Variants in PRKCE observed in about 807,000 individuals in gnomAD.
PRKCE encodes protein kinase C epsilon type.
Under a neutral mutation model 85.4 loss-of-function variants are expected in PRKCE, and 16 were observed. That is an observed-to-expected ratio of 0.19 (90% CI 0.13 to 0.28). The LOEUF (loss-of-function observed/expected upper bound fraction) is 0.28. Among genes scored for constraint, PRKCE ranks in the 10% least tolerant of loss-of-function variants. The pLI is 1.00. For missense variants in PRKCE, 573 were observed against 975.2 expected, an observed-to-expected ratio of 0.59 and a Z score of 5.49; for synonymous variants, 388 against 371.5, an observed-to-expected ratio of 1.04 and a Z score of -0.51.
At chr2:45,976,263 G>C (rs759367041) in intron 2 of PRKCE, among the ~76,000 whole-genome samples, 166 bp from the exon 3 acceptor site, 2 of 152,284 alleles carry the variant, frequency 1.3e-5, no homozygotes, top group South Asian at 4.1e-4. Flanking sequence ...CACTCCAGCT[G>C]CTCAGTGGGA....
At chr2:46,158,829 C>T (rs527703945) in intron 13 of PRKCE, among the ~76,000 whole-genome samples, 5 of 152,194 alleles carry the variant, frequency 3.3e-5, no homozygotes, top group South Asian at 4.2e-4. Flanking sequence ...TATTGGTATA[C>T]GTATGCTCAA....
At chr2:46,183,140 C>T (rs1680160514) in intron 14 of PRKCE, among the ~76,000 whole-genome samples, 1 of 152,234 alleles carries the variant, frequency 6.6e-6, no homozygotes, top group Non-Finnish European at 1.5e-5. Flanking sequence ...ATTCTGCAGA[C>T]CCTGCTCTCA....
intron 10 of PRKCE, among the ~76,000 whole-genome samples, chr2:46,063,672 G>T (rs1267085005): frequency 6.6e-6 from 1 of 152,108 alleles, no homozygotes; most frequent in South Asian, 2.1e-4. Context: ...AGAGAATTCC[G>T]CAACTGTGAC....
At chr2:46,079,616 T>C (rs1464151643) in intron 10 of PRKCE, among the ~76,000 whole-genome samples, 1 of 152,242 alleles carries the variant, frequency 6.6e-6, no homozygotes, top group Non-Finnish European at 1.5e-5. Context: ...ATATCAAGTA[T>C]GGGCTGTTCC....
At chr2:45,708,132 A>T (rs1246583735) in intron 1 of PRKCE, among the ~76,000 whole-genome samples, 6 of 152,176 alleles carry the variant, frequency 3.9e-5, no homozygotes. Flanking sequence ...TACGCATCAT[A>T]GGTTGGACTC....
At chr2:45,744,415 TTCTTTCTTTC>T (rs1272366018) in intron 1 of PRKCE, among the ~76,000 whole-genome samples, 5 of 10,266 alleles carry the variant, frequency 4.9e-4, no homozygotes, top group Non-Finnish European at 1.2e-3. Flanking sequence ...TTCTTTTCTT[TTCTTTCTTTC>T]TTTCTTTCTT....
At chr2:46,144,963 C>T in intron 11 of PRKCE, 130 bp from the exon 12 acceptor site, 1 of 1,381,182 alleles carries the variant, frequency 7.2e-7, no homozygotes, top group East Asian at 2.3e-5. Context: ...AGATGGGTTT[C>T]AAGAAACACA....
rs757071424 is a variant in PRKCE, at chr2:46,004,711, T to G, written c.1063+73T>G. On this transcript the variant is annotated intron_variant, in intron 8 of 14. Coordinates refer to ENST00000306156, the MANE Select transcript of PRKCE (RefSeq NM_005400.3). The surrounding 1 kb of genome is among the most constrained non-coding windows in gnomAD (Gnocchi z 4.1). ...TGGACCAAGGAGCTCTGAGGCCTCT[T>G]TAACCAAGAGTGAGCTTGTTAGCTG... 9 of 1,309,120 alleles carry G rather than the reference T, an allele frequency of 6.9e-6. No homozygotes were observed. The highest frequency in any genetic ancestry group is 9.6e-6 in the Non-Finnish European group (9 of 940,858). The allele number at this position is 1,309,120 out of a possible 1,614,324, so 81.1% of individuals were successfully genotyped here.
At chr2:45,704,421 C>G (rs1678936216) in intron 1 of PRKCE, among the ~76,000 whole-genome samples, 1 of 152,166 alleles carries the variant, frequency 6.6e-6, no homozygotes, top group Non-Finnish European at 1.5e-5. Context: ...TGTAGCTTTG[C>G]TTTTTGTTAG....
chr2:46,142,553 C>G (rs75794846), intron 11 of PRKCE, among the ~76,000 whole-genome samples: 3 of 152,366 alleles, frequency 2.0e-5, no homozygotes, highest in South Asian at 4.1e-4. Context: ...CAGGAAGAAG[C>G]ATTTTGGTCA....
At position 45,728,727 on chromosome 2, in the gene PRKCE, C is replaced by T. The variant is rs72884490; in HGVS notation, c.348+76279C>T. On this transcript the variant is annotated intron_variant, in intron 1 of 14. Coordinates refer to ENST00000306156, the MANE Select transcript of PRKCE (RefSeq NM_005400.3). ...CCAGTTCATGGTTTGTTTTCAGTAT[C>T]TGAGCAATAACAGCTGCTAATTATT... 4.6e-3 allele frequency among the ~76,000 whole-genome samples: 698 copies of T among 152,294 alleles called. 5 individuals carry two copies. The highest frequency in any genetic ancestry group is 0.016 in the African/African-American group (668 of 41,560).
At chr2:45,963,057 G>T (rs1214193529) in intron 2 of PRKCE, among the ~76,000 whole-genome samples, 1 of 152,150 alleles carries the variant, frequency 6.6e-6, no homozygotes, top group Non-Finnish European at 1.5e-5. Flanking sequence ...CTTGGGGCTT[G>T]TTCACCTATA....
intron 14 of PRKCE, among the ~76,000 whole-genome samples, chr2:46,169,701 A>G (rs1254392823): frequency 6.6e-6 from 1 of 152,232 alleles, no homozygotes; most frequent in Non-Finnish European, 1.5e-5. Flanking sequence ...CCCCTAGCGC[A>G]GCAGCTGACA....
intron 11 of PRKCE, among the ~76,000 whole-genome samples, chr2:46,116,262 A>G (rs547828467): frequency 8.5e-5 from 13 of 152,250 alleles, no homozygotes; most frequent in South Asian, 4.1e-4. Context: ...ACACTCCTCT[A>G]TGTTGGAGAA....
intron 2 of PRKCE, among the ~76,000 whole-genome samples, chr2:45,904,756 C>A (rs960883000): frequency 6.6e-6 from 1 of 152,214 alleles, no homozygotes; most frequent in South Asian, 2.1e-4. Flanking sequence ...ATGCGCTCCT[C>A]TTTCCCAAGA....
chr2:45,857,329 C>T (rs1455624377), intron 2 of PRKCE, among the ~76,000 whole-genome samples: 2 of 152,232 alleles, frequency 1.3e-5, no homozygotes, highest in African/African-American at 4.8e-5. Context: ...CACTATGTCT[C>T]ATTGTTCAGA....
chr2:46,090,223 T>C (rs767854662), intron 11 of PRKCE, among the ~76,000 whole-genome samples: 5 of 152,034 alleles, frequency 3.3e-5, no homozygotes, highest in Non-Finnish European at 5.9e-5. Context: ...ATATATGGAG[T>C]TCAGGAATTT....
chr2:45,756,871 G>A (rs930813461), intron 1 of PRKCE, among the ~76,000 whole-genome samples: 2 of 152,192 alleles, frequency 1.3e-5, no homozygotes, highest in Admixed American at 6.5e-5. Flanking sequence ...AACTTTGTGG[G>A]CTGAAGGATA....
chr2:46,016,000 T>G (rs1344603986), intron 10 of PRKCE, among the ~76,000 whole-genome samples: 2 of 152,196 alleles, frequency 1.3e-5, no homozygotes, highest in Non-Finnish European at 1.5e-5. Flanking sequence ...CAAGCAGAGA[T>G]AGCCTCAGTA....
Sources: gnomAD v4.1 joint callset for allele counts (sites outside exome capture counted in the v4.1 genomes callset) on GRCh38, gnomAD v4.1.1 for gene constraint, Gnocchi (gnomAD v3.1) non-coding constraint, MANE v1.5 for transcripts, NCBI Gene and HGNC (gene_info 2026-07-23, HGNC 2026-07-21) for gene names.